Variants in TBC1D32 observed in about 807,000 individuals in gnomAD.
TBC1D32 encodes TBC1 domain family member 32.
Under a neutral mutation model 170.3 loss-of-function variants are expected in TBC1D32, and 151 were observed. The observed-to-expected ratio is 0.89, with a 90% CI of 0.78 to 1.01. The LOEUF (loss-of-function observed/expected upper bound fraction) is 1.01. TBC1D32 is among the 50% of genes least tolerant of loss of function. TBC1D32 has a pLI of 0.00. For missense variants in TBC1D32, 1,464 were observed against 1,457.1 expected (o/e 1.00, Z -0.08); for synonymous variants, 498 against 488.0 (o/e 1.02, Z -0.27).
intron 24 of TBC1D32, among the ~76,000 whole-genome samples, chr6:121,156,050 CTCCTCT>C (rs1225433011): frequency 6.6e-6 from 1 of 151,642 alleles, no homozygotes; most frequent in Non-Finnish European, 1.5e-5. Context: ...AAAGAAGCTC[CTCCTCT>C]TCAACTTTTT....
At chr6:121,085,300 C>CGT (rs1776113811) in intron 31 of TBC1D32, among the ~76,000 whole-genome samples, 2 of 143,108 alleles carry the variant, frequency 1.4e-5, no homozygotes, top group East Asian at 2.0e-4. Flanking sequence ...TATATACATA[C>CGT]ATATATATAC....
At chr6:121,097,047 C>A (rs901314692) in intron 30 of TBC1D32, among the ~76,000 whole-genome samples, 1 of 152,104 alleles carries the variant, frequency 6.6e-6, no homozygotes, top group Non-Finnish European at 1.5e-5. Context: ...AAAATTAACT[C>A]AAGATTGATT....
At position 121,090,955 on chromosome 6, in the gene TBC1D32, A is replaced by G. The variant is rs1776737314; in HGVS notation, c.3552T>C (p.Leu1184=). The G allele has an allele frequency of 1.2e-6, 2 of 1,613,570 alleles. No individual in the cohort carries two copies. Among genetic ancestry groups the G allele is most frequent in the Admixed American group, 1.7e-5 (1 of 59,984 alleles). ...AGATATACACTTGATAATCAGGACC[A>G]AGGAAAACACAAGTAGCAATATAAT... ...ICHYIATCVF[L]GPDYQVYICI... Residue 1184 remains leucine (L), a synonymous_variant, in exon 31 of 32, where the codon CTT becomes CTC. Transcript: ENST00000398212.
At chr6:121,254,508 AC>A (rs909215057) in intron 17 of TBC1D32, among the ~76,000 whole-genome samples, 6 of 152,224 alleles carry the variant, frequency 3.9e-5, no homozygotes, top group African/African-American at 1.4e-4. Flanking sequence ...AATGCAAAAA[AC>A]AAAGCAGCTC....
At chr6:121,295,787 T>C (rs1424538365) in intron 10 of TBC1D32, among the ~76,000 whole-genome samples, 1 of 152,140 alleles carries the variant, frequency 6.6e-6, no homozygotes, top group Non-Finnish European at 1.5e-5. Flanking sequence ...GATTTTCCCA[T>C]CTCATTCTTT....
At chr6:121,121,104 T>C (rs1780214536) in intron 26 of TBC1D32, among the ~76,000 whole-genome samples, 1 of 152,024 alleles carries the variant, frequency 6.6e-6, no homozygotes, top group Admixed American at 6.6e-5. Flanking sequence ...ACACCTAATG[T>C]AACAATTTAG....
At chr6:121,230,280 CTAAT>C (rs1795575441) in intron 20 of TBC1D32, among the ~76,000 whole-genome samples, 1 of 152,136 alleles carries the variant, frequency 6.6e-6, no homozygotes. Context: ...TGCATCATGA[CTAAT>C]TAAACATACG....
chr6:121,333,932 T>G (rs1308039980), intron 1 of TBC1D32, among the ~76,000 whole-genome samples: 2 of 151,946 alleles, frequency 1.3e-5, no homozygotes, highest in Admixed American at 1.3e-4. Flanking sequence ...CCGGCCGCGG[T>G]GGCGGGCACC....
chr6:121,172,767 T>G (rs1787225671), intron 22 of TBC1D32, among the ~76,000 whole-genome samples: 1 of 152,198 alleles, frequency 6.6e-6, no homozygotes, highest in Admixed American at 6.5e-5. Context: ...TTATTTCCTT[T>G]CTCCTTTATC....
chr6:121,176,946 GA>G (rs942936463), intron 22 of TBC1D32, among the ~76,000 whole-genome samples: 9 of 152,150 alleles, frequency 5.9e-5, no homozygotes, highest in African/African-American at 1.9e-4. Flanking sequence ...CATAGGTGGA[GA>G]CCGAAAGCCT....
chr6:121,107,798 T>C (rs1305886746), intron 29 of TBC1D32, among the ~76,000 whole-genome samples: 1 of 152,028 alleles, frequency 6.6e-6, no homozygotes, highest in Non-Finnish European at 1.5e-5. Flanking sequence ...AGGAAATGAT[T>C]CATATGCAGT....
intron 20 of TBC1D32, among the ~76,000 whole-genome samples, chr6:121,227,848 T>C (rs750390347): frequency 2.0e-5 from 3 of 152,160 alleles, no homozygotes; most frequent in Non-Finnish European, 4.4e-5. Context: ...ACCTGTTTTC[T>C]GAAAAAGCTT....
intron 20 of TBC1D32, chr6:121,224,443 G>C (rs897873837): frequency 2.6e-5 from 4 of 151,914 alleles, no homozygotes; most frequent in African/African-American, 9.7e-5. Flanking sequence ...GACATACTGA[G>C]ATATTTCACT....
At chr6:121,328,256 T>A (rs1414416414) in intron 1 of TBC1D32, among the ~76,000 whole-genome samples, 1 of 151,884 alleles carries the variant, frequency 6.6e-6, no homozygotes, top group South Asian at 2.1e-4. Flanking sequence ...TTTTTCTAAC[T>A]GGTTTTTCTA....
intron 2 of TBC1D32, among the ~76,000 whole-genome samples, chr6:121,320,744 C>T (rs1429703923): frequency 6.6e-6 from 1 of 152,114 alleles, no homozygotes; most frequent in East Asian, 1.9e-4. Context: ...AGAGGAAGAG[C>T]TCCTGTCCAA....
rs1191358364 is a variant in TBC1D32 at position 121,192,081 on chromosome 6, T to TATATATATATCTCC, written c.2570+12993_2570+12994insGGAGATATATATAT. ...AAACTACCCTTTATATATATATATA[T>TATATATATATCTCC]ATCCTATTAGTTCTATCCTTCTGGG... On this transcript the variant is annotated intron_variant, in intron 22 of 31. Coordinates refer to ENST00000398212, the MANE Select transcript of TBC1D32 (RefSeq NM_152730.6). Among the ~76,000 whole-genome samples, 39 of 132,390 alleles carry TATATATATATCTCC rather than the reference T, an allele frequency of 2.9e-4. 2 individuals are homozygous for TATATATATATCTCC. Among genetic ancestry groups the TATATATATATCTCC allele is most frequent in the Admixed American group, 1.4e-3 (14 of 9,902 alleles). 86.9% of individuals were successfully genotyped at this position (132,390 alleles called of 152,430 possible).
intron 22 of TBC1D32, among the ~76,000 whole-genome samples, chr6:121,174,767 ATGCCTGTAATCCCAGCATTT>A (rs1787526790): frequency 6.6e-6 from 1 of 152,220 alleles, no homozygotes; most frequent in Non-Finnish European, 1.5e-5. Flanking sequence ...ATACTGAATC[ATGCCTGTAATCCCAGCATTT>A]TGGGAGGCTG....
intron 24 of TBC1D32, among the ~76,000 whole-genome samples, chr6:121,142,281 T>A (rs1782892305): frequency 6.6e-6 from 1 of 152,342 alleles, no homozygotes; most frequent in East Asian, 1.9e-4. Context: ...AGAAAGGCAA[T>A]CTAATGCCAA....
chr6:121,159,865 G>GA (rs879550309), intron 24 of TBC1D32, 145 bp downstream of exon 24: 87 of 545,310 alleles, frequency 1.6e-4, no homozygotes, highest in Non-Finnish European at 2.6e-4. Flanking sequence ...GAAACATGAG[G>GA]AAAAAAATAC....
Sources: allele counts gnomAD v4.1 joint callset (sites outside exome capture counted in the v4.1 genomes callset), GRCh38; gene constraint gnomAD v4.1.1; transcripts MANE v1.5; gene names NCBI Gene and HGNC (gene_info 2026-07-23, HGNC 2026-07-21).